Variants in ARAP1 observed in about 807,000 individuals in gnomAD.
The protein encoded by ARAP1 is ArfGAP with RhoGAP domain, ankyrin repeat and PH domain 1, also known as arf-GAP with Rho-GAP domain, ANK repeat and PH domain-containing protein 1.
A neutral mutation model predicts 172.2 loss-of-function variants in ARAP1; 76 were observed. The ratio of observed to expected loss-of-function variants is 0.44; its 90% CI spans 0.37 to 0.53. ARAP1 has a LOEUF of 0.53. ARAP1 is among the 20% of genes least tolerant of loss of function. The pLI is 0.00. For synonymous variants in ARAP1, 804 were observed against 803.3 expected (o/e 1.00, Z -0.01); for missense variants, 1,686 against 1,977.5 (o/e 0.85, Z 2.80).
At chr11:72,721,323 AG>A (rs1244175483) in intron 3 of ARAP1, among the ~76,000 whole-genome samples, 2 of 152,152 alleles carry the variant, frequency 1.3e-5, no homozygotes, top group South Asian at 2.1e-4. Flanking sequence ...CCTGGGGAGG[AG>A]GGGTAAGCAG....
At chr11:72,722,257 C>A (rs1236308174) in intron 3 of ARAP1, 21 of 985,298 alleles carry the variant, frequency 2.1e-5, no homozygotes, top group Non-Finnish European at 2.5e-5. Flanking sequence ...ATGTCTGCAC[C>A]CAGCTCTGGT....
At chr11:72,715,044 C>T (rs956467493) in intron 3 of ARAP1, among the ~76,000 whole-genome samples, 3 of 152,254 alleles carry the variant, frequency 2.0e-5, no homozygotes, top group Admixed American at 2.0e-4. Flanking sequence ...GATCACATTG[C>T]TTCTGGCAGG....
rs1444172510 is a variant in ARAP1 at position 72,741,927 on chromosome 11, G to T, written c.-127-9330C>A. Among the ~76,000 whole-genome samples, 1 of 152,154 alleles carries T rather than the reference G, an allele frequency of 6.6e-6. No individual in the cohort carries two copies. Among genetic ancestry groups the T allele is most frequent in the Non-Finnish European group, 1.5e-5 (1 of 67,996 alleles). ...GCTCCTCTGTACCCCAGAACTAGGG[G>T]TGCAGGGGAACAGGGACCCAGACCT... is the stretch of plus-strand genomic sequence containing the variant. On this transcript the variant is annotated intron_variant, in intron 1 of 34. Transcript: ENST00000393609. This position sits in a 1 kb window ranked among gnomAD's most constrained non-coding sequence, Gnocchi z 4.5.
chr11:72,688,878 T>A, intron 30 of ARAP1: 1 of 267,926 alleles, frequency 3.7e-6, no homozygotes, highest in Non-Finnish European at 7.3e-6. Flanking sequence ...TCACCCTGAA[T>A]CAGATTGTAT....
rs150685062 is a variant in ARAP1, at chr11:72,717,275, C to T, written c.510-2954G>A. On this transcript the variant is annotated intron_variant, in intron 3 of 34. Transcript: ENST00000393609. ...CCAAGAGGAAGGCGCCTTGGAAACCCGGCCTGGGATCAGCAGAGAGCAGAA... is the reference window on the plus strand; with the variant it reads ...CCAAGAGGAAGGCGCCTTGGAAACCTGGCCTGGGATCAGCAGAGAGCAGAA... 3.4e-3 allele frequency among the ~76,000 whole-genome samples: 523 copies of T among 152,266 alleles called. 4 individuals carry two copies. Among genetic ancestry groups the T allele is most frequent in the Admixed American group, 7.8e-3 (120 of 15,292 alleles).
chr11:72,695,190 C>A lies in ARAP1; in HGVS notation c.3577-93G>T. The stretch of plus-strand genomic sequence containing the variant: ...TGACTCAGAGCCTGAGCCCATCCTT[C>A]TCAGGCCCTTCTGGAGTCCTGGGAT... On this transcript the variant is annotated intron_variant, in intron 26 of 34. Coordinates refer to ENST00000393609, the MANE Select transcript of ARAP1 (RefSeq NM_001040118.3). The surrounding 1 kb of genome is among the most constrained non-coding windows in gnomAD (Gnocchi z 4.4). 6.9e-7 allele frequency: 1 copy of A among 1,442,846 alleles called. No individual in the cohort carries two copies. Among genetic ancestry groups the A allele is most frequent in the South Asian group, 1.2e-5 (1 of 83,808 alleles). The allele number at this position is 1,442,846 out of a possible 1,614,324, so 89.4% of individuals were successfully genotyped here. A position where few individuals can be genotyped will look rare whatever the true frequency, so the allele number is the denominator to read the frequency against.
chr11:72,727,147 C>A lies in ARAP1; in HGVS notation c.-19G>T, dbSNP rs1181131516. On this transcript the variant is annotated 5_prime_UTR_variant, in exon 3 of 35. Transcript: ENST00000393609. Reference sequence around the variant, plus strand: ...CTGCCATGGTTCCTGCCAGCGGAGGCCTGACTGGCAGGGCTTTGTCCAGAG... The same window carrying A: ...CTGCCATGGTTCCTGCCAGCGGAGGACTGACTGGCAGGGCTTTGTCCAGAG... 2 of 1,562,024 alleles carry A rather than the reference C, an allele frequency of 1.3e-6. No individual in the cohort carries two copies. The highest frequency in any genetic ancestry group is 2.3e-5 in the East Asian group (1 of 43,958).
Position 72,697,003 on chromosome 11 carries a change from A to G in ARAP1, c.3146T>C (p.Leu1049Pro). 3 of 1,607,176 alleles carry G rather than the reference A, an allele frequency of 1.9e-6. No individual in the cohort carries two copies. Among genetic ancestry groups the G allele is most frequent in the Non-Finnish European group, 2.5e-6 (3 of 1,179,732 alleles). ...CCCACCTGAGGCCTCCAGCCAGGTT[A>G]GGCGCTGGGCGCGAGTGAAGAGCCC... is the stretch of plus-strand genomic sequence containing the variant. ...PDGLFTRAQR[L>P]TWLEASEIED... The change falls in exon 22 of 35, where the codon CTA (leucine) becomes CCA (proline). Residue 1049 changes from leucine to proline, a missense_variant. Coordinates refer to ENST00000393609, the MANE Select transcript of ARAP1 (RefSeq NM_001040118.3).
Position 72,698,019 on chromosome 11 carries a change from G to A in ARAP1, c.2629C>T (p.Gln877Ter). ...RLPYKAGLSLQRAQEGWFSLS... is the reference protein window; with the variant it reads ...RLPYKAGLSL ...GAGAACCAGCCCTCCTGGGCCCGCT[G>A]TAGGCTCAGGCCAGCTTTGTAGGGT... is the stretch of plus-strand genomic sequence containing the variant. The change falls in exon 19 of 35, where the codon CAG (glutamine) becomes TAG (stop). Residue 877 changes from glutamine (Q) to a stop codon, truncating the protein, a stop_gained. Coordinates refer to ENST00000393609, the MANE Select transcript of ARAP1 (RefSeq NM_001040118.3). LOFTEE classifies it high-confidence loss of function. 6.2e-7 allele frequency: 1 copy of A among 1,610,590 alleles called. No homozygotes were observed. The highest frequency in any genetic ancestry group is 8.5e-7 in the Non-Finnish European group (1 of 1,178,672).
Position 72,714,239 on chromosome 11 carries a change from G to A in ARAP1, c.592C>T (p.Leu198Phe). The A allele has an allele frequency of 6.6e-7, 1 of 1,526,658 alleles. No homozygotes were observed. Among genetic ancestry groups the A allele is most frequent in the African/African-American group, 1.4e-5 (1 of 71,078 alleles). 94.6% of individuals were successfully genotyped at this position (1,526,658 alleles called of 1,614,324 possible). ...QPQSEEPLSTLPQGPPQPPSP... is the reference protein window; with the variant it reads ...QPQSEEPLSTFPQGPPQPPSP... ...GGAGGCTGGGGAGGCCCCTGGGGGA[G>A]GGTGGACAGGGGCTCCTCAGACTGT... Residue 198 changes from leucine (L) to phenylalanine (F), a missense_variant, in exon 4 of 35, where the codon CTC becomes TTC. Coordinates refer to ENST00000393609, the MANE Select transcript of ARAP1 (RefSeq NM_001040118.3).
At chr11:72,750,630 C>T (rs937767503) in intron 1 of ARAP1, among the ~76,000 whole-genome samples, 4 of 152,188 alleles carry the variant, frequency 2.6e-5, no homozygotes, top group African/African-American at 4.8e-5. Flanking sequence ...GCCCCAGCAC[C>T]GTCTCTCTTT....
chr11:72,736,363 C>T (rs967737911), intron 1 of ARAP1, among the ~76,000 whole-genome samples: 1 of 151,818 alleles, frequency 6.6e-6, no homozygotes, highest in Non-Finnish European at 1.5e-5. Context: ...CCACCTCCCC[C>T]TCCCCAGTAG....
In ARAP1 at chr11:72,695,127, C is replaced by T. The variant is rs1039794675; in HGVS notation, c.3577-30G>A. 1.2e-6 allele frequency: 2 copies of T among 1,605,540 alleles called. No homozygotes were observed. The highest frequency in any genetic ancestry group is 2.2e-5 in the East Asian group (1 of 44,834). Reference sequence around the variant, plus strand: ...AAGGACCAAGGAGGAGATTAGCCTGCCTGTGCCTAGCCCCTGCTCTGCCAC... The same window carrying T: ...AAGGACCAAGGAGGAGATTAGCCTGTCTGTGCCTAGCCCCTGCTCTGCCAC... On this transcript the variant is annotated intron_variant, in intron 26 of 34. Transcript: ENST00000393609. The surrounding 1 kb of genome is among the most constrained non-coding windows in gnomAD (Gnocchi z 4.4).
In ARAP1 at chr11:72,697,481, A is replaced by C. The variant is rs1418055646; in HGVS notation, c.2795T>G (p.Leu932Arg). The change falls in exon 21 of 35, where the codon CTG becomes CGG. Residue 932 changes from leucine (L) to arginine (R), a missense_variant. Physicochemically the swap from Leu to Arg is moderately radical, Grantham distance 102. Around this residue, in one of 5 missense-constraint regions of ARAP1, gnomAD observed 274 missense variants for 262.7 expected, o/e 1.04. Coordinates refer to ENST00000393609, the MANE Select transcript of ARAP1 (RefSeq NM_001040118.3). ...VLVLVERRRT[L>R]YIQGERRLDF... ...CAGCCGCCGCTCGCCCTGTATGTACAGTGTCCTGGGCCAGGGACAGTCAGT... is the reference window on the plus strand; with the variant it reads ...CAGCCGCCGCTCGCCCTGTATGTACCGTGTCCTGGGCCAGGGACAGTCAGT... 1 of 1,613,344 alleles carries C rather than the reference A, an allele frequency of 6.2e-7. No homozygotes were observed. Among genetic ancestry groups the C allele is most frequent in the African/African-American group, 1.3e-5 (1 of 75,024 alleles).
chr11:72,709,212 A>G (rs1312931857), intron 11 of ARAP1, among the ~76,000 whole-genome samples: 2 of 152,214 alleles, frequency 1.3e-5, no homozygotes, highest in Non-Finnish European at 1.5e-5. Context: ...CTGGACTAAG[A>G]GCAGAGAAGT....
rs1856011367 is a variant in ARAP1, at chr11:72,693,120, G to A, written c.3954+205C>T. On this transcript the variant is annotated intron_variant, in intron 29 of 34. Transcript: ENST00000393609. This position sits in a 1 kb window ranked among gnomAD's most constrained non-coding sequence, Gnocchi z 4.6. ...GGTGTGATGGCATCCGGGTGCCAGGGCTTAGTGGGGCTACAGGGCACACTA... is the reference window on the plus strand; with the variant it reads ...GGTGTGATGGCATCCGGGTGCCAGGACTTAGTGGGGCTACAGGGCACACTA... The A allele has an allele frequency of 1.3e-6, 1 of 765,466 alleles. No homozygotes were observed. Among genetic ancestry groups the A allele is most frequent in the East Asian group, 2.7e-5 (1 of 37,012 alleles). The allele number at this position is 765,466 out of a possible 1,614,324, so 47.4% of individuals were successfully genotyped here.
intron 34 of ARAP1, 130 bp downstream of exon 34, chr11:72,685,912 C>G (rs779107092): frequency 1.9e-6 from 3 of 1,554,116 alleles, no homozygotes; most frequent in East Asian, 2.3e-5. Flanking sequence ...AGGGCCCCCA[C>G]CAAGGCTGGA....
Position 72,699,285 on chromosome 11 carries a change from G to T in ARAP1, c.2438+132C>A. 6.9e-7 allele frequency: 1 copy of T among 1,456,136 alleles called. No homozygotes were observed. 90.2% of individuals were successfully genotyped at this position (1,456,136 alleles called of 1,614,324 possible). ...CTGGGGCCTCAAGAGACTGGAGTCG[G>T]CCCTTGTGCAGCCTCCGTTTGCTGT... On this transcript the variant is annotated intron_variant, in intron 17 of 34. Transcript: ENST00000393609. This position sits in a 1 kb window ranked among gnomAD's most constrained non-coding sequence, Gnocchi z 4.2.
intron 3 of ARAP1, among the ~76,000 whole-genome samples, chr11:72,720,484 C>T (rs1400464200): frequency 6.6e-6 from 1 of 152,190 alleles, no homozygotes; most frequent in Non-Finnish European, 1.5e-5. Flanking sequence ...TCTGCACAAG[C>T]CGGGAGCCCC....
Sources: gnomAD v4.1 joint callset for allele counts (sites outside exome capture counted in the v4.1 genomes callset) on GRCh38, gnomAD v4.1.1 for gene constraint, gnomAD v4.1.1 regional missense constraint, Gnocchi (gnomAD v3.1) non-coding constraint, MANE v1.5 for transcripts, NCBI Gene and HGNC (gene_info 2026-07-23, HGNC 2026-07-21) for gene names.